The following SEL1L2 variants were observed in gnomAD, a reference collection of about 807,000 sequenced individuals.
SEL1L2 encodes the protein SEL1L2 adaptor subunit of SYVN1 ubiquitin ligase, also known as protein sel-1 homolog 2.
Under a neutral mutation model 98.8 loss-of-function variants are expected in SEL1L2, and 89 were observed. The observed-to-expected ratio is 0.90, with a 90% CI of 0.76 to 1.07. The LOEUF is 1.07. Ranked by LOEUF, SEL1L2 falls within the 50% of genes least tolerant of loss-of-function variation. SEL1L2 has a pLI of 0.00. For missense variants in SEL1L2, 788 were observed against 812.0 expected (o/e 0.97, Z 0.36); for synonymous variants, 262 against 278.5 (o/e 0.94, Z 0.59).
At chr20:13,979,417 C>A (rs1333458705) in intron 1 of SEL1L2, among the ~76,000 whole-genome samples, 1 of 152,026 alleles carries the variant, frequency 6.6e-6, no homozygotes, top group African/African-American at 2.4e-5. Context: ...TGAATGTTTA[C>A]AACACAAAGA....
At chr20:13,898,040 G>A (rs371875431) in intron 5 of SEL1L2, among the ~76,000 whole-genome samples, 1 of 152,284 alleles carries the variant, frequency 6.6e-6, no homozygotes, top group African/African-American at 2.4e-5. Context: ...GTGGGAATGT[G>A]AAATGGTGCA....
intron 2 of SEL1L2, among the ~76,000 whole-genome samples, chr20:13,932,114 G>A (rs994748625): frequency 6.6e-6 from 1 of 152,110 alleles, no homozygotes; most frequent in African/African-American, 2.4e-5. Context: ...CTAAAAAAAT[G>A]AAGGCGTTGA....
intron 3 of SEL1L2, among the ~76,000 whole-genome samples, chr20:13,921,223 A>G (rs2048653534): frequency 6.6e-6 from 1 of 152,186 alleles, no homozygotes; most frequent in Admixed American, 6.5e-5. Context: ...CCCCGGTTGG[A>G]GTGCAGTGGT....
At chr20:13,874,689 G>C (rs1317867017) in intron 12 of SEL1L2, among the ~76,000 whole-genome samples, 1 of 152,180 alleles carries the variant, frequency 6.6e-6, no homozygotes, top group East Asian at 1.9e-4. Flanking sequence ...TTACAAAGGA[G>C]AGGAGCAGAG....
intron 10 of SEL1L2, among the ~76,000 whole-genome samples, chr20:13,877,956 G>C (rs1028648625): frequency 6.6e-6 from 1 of 152,196 alleles, no homozygotes; most frequent in Non-Finnish European, 1.5e-5. Context: ...TTGACACTGT[G>C]TACTTAATGA....
intron 1 of SEL1L2, among the ~76,000 whole-genome samples, chr20:13,987,716 C>T (rs1452412713): frequency 1.3e-5 from 2 of 152,070 alleles, no homozygotes; most frequent in Non-Finnish European, 2.9e-5. Flanking sequence ...GTGCTTTTTG[C>T]TTTTATTTCC....
intron 1 of SEL1L2, among the ~76,000 whole-genome samples, chr20:13,985,651 A>G (rs1417145930): frequency 6.6e-6 from 1 of 152,188 alleles, no homozygotes; most frequent in African/African-American, 2.4e-5. Context: ...TATATCCCCA[A>G]TACTCCTGGT....
intron 19 of SEL1L2, 79 bp from the exon 20 acceptor site, chr20:13,849,683 A>G (rs1032612981): frequency 1.1e-4 from 161 of 1,509,988 alleles, no homozygotes; most frequent in Middle Eastern, 4.7e-4. Flanking sequence ...TCCCAAACCC[A>G]CCACCACCAA....
intron 1 of SEL1L2, among the ~76,000 whole-genome samples, chr20:13,964,239 CT>C (rs1013930373): frequency 6.6e-6 from 1 of 152,010 alleles, no homozygotes; most frequent in African/African-American, 2.4e-5. Context: ...TTCTATCCCC[CT>C]ATTTTGTCAA....
intron 17 of SEL1L2, among the ~76,000 whole-genome samples, chr20:13,864,692 T>C (rs1489296763): frequency 6.6e-6 from 1 of 152,172 alleles, no homozygotes; most frequent in Non-Finnish European, 1.5e-5. Context: ...CTAATGATTG[T>C]AGTAAAGATC....
chr20:13,917,786 CTTTTTTTTTTTTTTTTT>C (rs5840588), intron 4 of SEL1L2, among the ~76,000 whole-genome samples: 6 of 50,072 alleles, frequency 1.2e-4, no homozygotes, highest in Non-Finnish European at 1.3e-4. Flanking sequence ...TTCTTTCTTT[CTTTTTTTTTTTTTTTTT>C]TTTTTTTTTT....
At chr20:13,872,328 T>C (rs1352152958) in intron 12 of SEL1L2, among the ~76,000 whole-genome samples, 1 of 152,204 alleles carries the variant, frequency 6.6e-6, no homozygotes, top group African/African-American at 2.4e-5. Flanking sequence ...AATTGAATCA[T>C]GGGGGCGGTT....
chr20:13,898,981 A>T (rs955587633), intron 5 of SEL1L2, among the ~76,000 whole-genome samples: 1 of 152,164 alleles, frequency 6.6e-6, no homozygotes, highest in Non-Finnish European at 1.5e-5. Flanking sequence ...ACTTCAGGTG[A>T]TATGCCCACC....
intron 1 of SEL1L2, among the ~76,000 whole-genome samples, chr20:13,980,635 G>C (rs1402157241): frequency 6.6e-6 from 1 of 152,140 alleles, no homozygotes; most frequent in Non-Finnish European, 1.5e-5. Flanking sequence ...CCCCCTCTAG[G>C]TATATATCCA....
intron 2 of SEL1L2, among the ~76,000 whole-genome samples, chr20:13,944,219 G>C (rs904938297): frequency 3.3e-5 from 5 of 152,208 alleles, no homozygotes; most frequent in African/African-American, 1.2e-4. Flanking sequence ...AGTATGGTCA[G>C]AGCTCAGAGA....
chr20:13,891,750 A>G (rs933893868), intron 5 of SEL1L2, among the ~76,000 whole-genome samples: 1 of 152,074 alleles, frequency 6.6e-6, no homozygotes, highest in Non-Finnish European at 1.5e-5. Flanking sequence ...AAAATGAAAG[A>G]AGAATAAAGC....
intron 5 of SEL1L2, among the ~76,000 whole-genome samples, chr20:13,902,312 C>G (rs922093353): frequency 1.3e-5 from 2 of 152,076 alleles, no homozygotes; most frequent in South Asian, 4.1e-4. Context: ...TGAAATAATT[C>G]TATAAAGAAA....
At chr20:13,951,312 G>GAAAT (rs2050259298) in intron 2 of SEL1L2, among the ~76,000 whole-genome samples, 2 of 47,558 alleles carry the variant, frequency 4.2e-5, no homozygotes, top group Non-Finnish European at 9.0e-5. Context: ...AAGAAAGAAA[G>GAAAT]AAAATACTGA....
At chr20:13,970,482 T>C (rs1316976410) in intron 1 of SEL1L2, among the ~76,000 whole-genome samples, 1 of 152,186 alleles carries the variant, frequency 6.6e-6, no homozygotes, top group East Asian at 1.9e-4. Flanking sequence ...TAATGCCAAA[T>C]TGGCATTCCA....
Sources: allele counts gnomAD v4.1 joint callset (sites outside exome capture counted in the v4.1 genomes callset), GRCh38; gene constraint gnomAD v4.1.1; transcripts MANE v1.5; gene names NCBI Gene and HGNC (gene_info 2026-07-23, HGNC 2026-07-21).